PKIA: variants seen among roughly 807,000 people sequenced by gnomAD.
The protein encoded by PKIA is cAMP-dependent protein kinase inhibitor alpha.
In PKIA, 4 loss-of-function variants were observed where a neutral mutation model predicts 7.6. That is an observed-to-expected ratio of 0.52 (90% CI 0.26 to 1.20). PKIA has a LOEUF of 1.20. Among genes scored for constraint, PKIA ranks in the 50% most tolerant of loss-of-function variants. The pLI is 0.13. For synonymous variants in PKIA, 21 were observed against 30.7 expected (o/e 0.68, Z 1.04); for missense variants, 73 against 86.2 (o/e 0.85, Z 0.61).
At chr8:78,568,789 T>G (rs1415179623) in intron 1 of PKIA, among the ~76,000 whole-genome samples, 1 of 152,184 alleles carries the variant, frequency 6.6e-6, no homozygotes, top group Non-Finnish European at 1.5e-5. Flanking sequence ...TCTGGCAGTA[T>G]GTACACCTCT....
At position 78,537,586 on chromosome 8, in the gene PKIA, G is replaced by A. The variant is rs763482020; in HGVS notation, c.-157+21118G>A. 1.0e-3 allele frequency among the ~76,000 whole-genome samples: 109 copies of A among 104,670 alleles called. 2 individuals carry two copies. Among genetic ancestry groups the A allele is most frequent in the Non-Finnish European group, 3.0e-4 (16 of 52,586 alleles). The allele number at this position is 104,670 out of a possible 152,430, so 68.7% of individuals were successfully genotyped here. On this transcript the variant is annotated intron_variant, in intron 1 of 3. Transcript: ENST00000396418. ...TACTTTATTTCCCAACCCCCTCTCCGTCCCACCCCCCACCGCCAACAACTA... is the reference window on the plus strand; with the variant it reads ...TACTTTATTTCCCAACCCCCTCTCCATCCCACCCCCCACCGCCAACAACTA...
At chr8:78,562,773 C>G (rs1807314799) in intron 1 of PKIA, among the ~76,000 whole-genome samples, 1 of 151,980 alleles carries the variant, frequency 6.6e-6, no homozygotes, top group Non-Finnish European at 1.5e-5. Context: ...CTCCCCCACC[C>G]CACTCCCAAC....
At chr8:78,598,670 A>G in intron 3 of PKIA, 135 bp downstream of exon 3, 2 of 665,592 alleles carry the variant, frequency 3.0e-6, no homozygotes, top group Middle Eastern at 3.4e-4. Context: ...AGGCAAGATG[A>G]AAGTCTGAGA....
intron 1 of PKIA, among the ~76,000 whole-genome samples, chr8:78,559,035 C>T (rs1807219821): frequency 6.6e-6 from 1 of 152,172 alleles, no homozygotes; most frequent in Non-Finnish European, 1.5e-5. Flanking sequence ...GATTCTCCTG[C>T]CTCAGCCTCC....
intron 1 of PKIA, among the ~76,000 whole-genome samples, chr8:78,524,289 G>A (rs562240780): frequency 6.8e-6 from 1 of 147,594 alleles, no homozygotes; most frequent in African/African-American, 2.5e-5. Flanking sequence ...AATCACTGGA[G>A]AATAATGGAT....
chr8:78,535,196 G>A (rs993012995), intron 1 of PKIA: 1 of 152,164 alleles, frequency 6.6e-6, no homozygotes, highest in African/African-American at 2.4e-5. Flanking sequence ...TGGGAGAACT[G>A]CCATGATGTA....
intron 1 of PKIA, among the ~76,000 whole-genome samples, chr8:78,552,187 A>T (rs73687531): frequency 0.018 from 2,705 of 152,118 alleles, 80 homozygotes; most frequent in African/African-American, 0.062. Context: ...TATTTTCAAA[A>T]CAATATGGCT....
chr8:78,519,248 G>T (rs1023366586), intron 1 of PKIA, among the ~76,000 whole-genome samples: 1 of 151,814 alleles, frequency 6.6e-6, no homozygotes, highest in South Asian at 2.1e-4. Flanking sequence ...AAATTTAGGA[G>T]TTAAAGTTGC....
intron 1 of PKIA, among the ~76,000 whole-genome samples, chr8:78,556,993 C>T (rs868853095): frequency 1.3e-5 from 2 of 151,996 alleles, no homozygotes; most frequent in Admixed American, 1.3e-4. Flanking sequence ...AATTGACTCT[C>T]ACTATTTTGT....
intron 2 of PKIA, 148 bp from the exon 3 acceptor site, chr8:78,598,210 T>G (rs368973024): frequency 2.6e-6 from 1 of 389,544 alleles, no homozygotes; most frequent in Non-Finnish European, 4.6e-6. Context: ...AGACCTTTGA[T>G]CTAAATACTT....
At chr8:78,554,485 G>T (rs1382408661) in intron 1 of PKIA, among the ~76,000 whole-genome samples, 1 of 151,958 alleles carries the variant, frequency 6.6e-6, no homozygotes, top group Non-Finnish European at 1.5e-5. Context: ...CTAAGAAATT[G>T]TTGAAGGCCT....
rs1484410202 is a variant in PKIA at position 78,602,720 on chromosome 8, T to G, written c.*899T>G. On this transcript the variant is annotated 3_prime_UTR_variant, in exon 4 of 4. Transcript: ENST00000396418. ...ATATATATATATATATATATTTTAA[T>G]TTATGAGAATTTTGGACAATTGGAA... The G allele has an allele frequency of 6.7e-6, 1 of 149,394 alleles. No homozygotes were observed. The highest frequency in any genetic ancestry group is 2.4e-5 in the African/African-American group (1 of 40,876). The allele number at this position is 149,394 out of a possible 1,614,324, so 9.3% of individuals were successfully genotyped here. A position where few individuals can be genotyped will look rare whatever the true frequency, so the allele number is the denominator to read the frequency against.
intron 1 of PKIA, among the ~76,000 whole-genome samples, chr8:78,562,836 C>T (rs1807316401): frequency 6.6e-6 from 1 of 151,322 alleles, no homozygotes; most frequent in Non-Finnish European, 1.5e-5. Context: ...ACCACCAAAT[C>T]TTCCAAGGCT....
intron 2 of PKIA, among the ~76,000 whole-genome samples, chr8:78,575,487 A>G (rs1181342006): frequency 1.3e-5 from 2 of 151,954 alleles, no homozygotes; most frequent in African/African-American, 2.4e-5. Flanking sequence ...ACTGTATAAT[A>G]CAATGTTGTA....
intron 1 of PKIA, 48 bp downstream of exon 1, chr8:78,516,516 T>A (rs1444199029): frequency 1.3e-5 from 2 of 152,384 alleles, no homozygotes; most frequent in Non-Finnish European, 2.9e-5. Context: ...CGTGGAGCTT[T>A]CCGCTTGGTT....
chr8:78,536,859 TACACAC>T (rs58547049), intron 1 of PKIA, among the ~76,000 whole-genome samples: 5,927 of 136,040 alleles, frequency 0.044, 124 homozygotes, highest in African/African-American at 0.059. Flanking sequence ...CTAGAAAACA[TACACAC>T]ACACACACAC....
chr8:78,587,595 C>G (rs1585923245), intron 2 of PKIA, among the ~76,000 whole-genome samples: 2 of 152,162 alleles, frequency 1.3e-5, no homozygotes, highest in Admixed American at 1.3e-4. Context: ...ATAAAAAGCC[C>G]TAGCAAAAGG....
chr8:78,520,300 G>A (rs921580703), intron 1 of PKIA, among the ~76,000 whole-genome samples: 3 of 152,018 alleles, frequency 2.0e-5, no homozygotes, highest in African/African-American at 7.2e-5. Flanking sequence ...ATCTACAAAA[G>A]GTATTATGAG....
chr8:78,598,890 C>T (rs371209765), intron 3 of PKIA, among the ~76,000 whole-genome samples: 1 of 152,006 alleles, frequency 6.6e-6, no homozygotes, highest in African/African-American at 2.4e-5. Context: ...TATTGGCCAC[C>T]TCTAACATTT....
Sources: gnomAD v4.1 joint callset for allele counts (sites outside exome capture counted in the v4.1 genomes callset) on GRCh38, gnomAD v4.1.1 for gene constraint, MANE v1.5 for transcripts, NCBI Gene and HGNC (gene_info 2026-07-23, HGNC 2026-07-21) for gene names.